Variants in HS6ST3 observed in about 807,000 individuals in gnomAD.
The protein encoded by HS6ST3 is heparan sulfate 6-O-sulfotransferase 3.
A neutral mutation model predicts 36.7 loss-of-function variants in HS6ST3; 12 were observed. The observed-to-expected ratio is 0.33, with a 90% CI of 0.21 to 0.53. The LOEUF is 0.53. HS6ST3 is among the 20% of genes least tolerant of loss of function. The pLI is 0.95. For synonymous variants in HS6ST3, 240 were observed against 257.5 expected, an observed-to-expected ratio of 0.93 and a Z score of 0.65; for missense variants, 584 against 640.9, an observed-to-expected ratio of 0.91 and a Z score of 0.96.
At chr13:96,484,181 G>C (rs549953805) in intron 1 of HS6ST3, among the ~76,000 whole-genome samples, 9 of 151,878 alleles carry the variant, frequency 5.9e-5, no homozygotes, top group Admixed American at 5.3e-4. Context: ...GGTAAGAATT[G>C]TATATGTTTA....
intron 1 of HS6ST3, among the ~76,000 whole-genome samples, chr13:96,418,490 G>C (rs2055545854): frequency 6.6e-6 from 1 of 152,164 alleles, no homozygotes; most frequent in Admixed American, 6.5e-5. Context: ...GCAATCCAAA[G>C]CCTGGAAATG....
At chr13:96,481,549 T>G (rs1359220031) in intron 1 of HS6ST3, among the ~76,000 whole-genome samples, 1 of 152,166 alleles carries the variant, frequency 6.6e-6, no homozygotes, top group Non-Finnish European at 1.5e-5. Flanking sequence ...AGACTGGTAA[T>G]AACACTAGCA....
In HS6ST3 at chr13:96,833,822, A is replaced by G. The variant is rs1415048013; in HGVS notation, c.*624A>G. The G allele has an allele frequency of 6.6e-6, 1 of 152,274 alleles. No homozygotes were observed. Among genetic ancestry groups the G allele is most frequent in the East Asian group, 1.9e-4 (1 of 5,198 alleles). The allele number at this position is 152,274 out of a possible 1,614,324, so 9.4% of individuals were successfully genotyped here. On this transcript the variant is annotated 3_prime_UTR_variant, in exon 2 of 2. Coordinates refer to ENST00000376705, the MANE Select transcript of HS6ST3 (RefSeq NM_153456.4). ...CCATTGCTAGAGACCCACATCCTAC[A>G]AAATCCTGACACCATAACCTTAAGC...
At chr13:96,279,577 T>A (rs1009110748) in intron 1 of HS6ST3, among the ~76,000 whole-genome samples, 1 of 152,180 alleles carries the variant, frequency 6.6e-6, no homozygotes, top group Non-Finnish European at 1.5e-5. Context: ...AATTAAGAAC[T>A]AAGAGCTGAG....
chr13:96,579,656 TATC>T (rs2056334615), intron 1 of HS6ST3, among the ~76,000 whole-genome samples: 1 of 152,168 alleles, frequency 6.6e-6, no homozygotes, highest in Non-Finnish European at 1.5e-5. Context: ...CTAAGCGAGA[TATC>T]ATCAGGGCAA....
chr13:96,485,235 A>G (rs1454314063), intron 1 of HS6ST3, among the ~76,000 whole-genome samples: 1 of 152,078 alleles, frequency 6.6e-6, no homozygotes, highest in Non-Finnish European at 1.5e-5. Flanking sequence ...ATATCTCTTC[A>G]TTTATGTATT....
intron 1 of HS6ST3, among the ~76,000 whole-genome samples, chr13:96,748,024 T>C (rs1156829254): frequency 6.6e-6 from 1 of 152,114 alleles, no homozygotes; most frequent in Non-Finnish European, 1.5e-5. Context: ...TCACATGTGA[T>C]GTAGGACATT....
Position 96,833,153 on chromosome 13 carries a change from A to T in HS6ST3, c.1371A>T (p.Glu457Asp). The change falls in exon 2 of 2, where the codon GAA (glutamate) becomes GAT (aspartate). Residue 457 changes from glutamate (E) to aspartate (D), a missense_variant. By Grantham distance (45) the Glu-to-Asp change is conservative. This residue lies in a region of HS6ST3 where 360 missense variants were observed against 411.3 expected (regional missense o/e 0.88). Transcript: ENST00000376705. ...HQWPKEDGAA[E>D]GTVTEDYNSQ... ...GGCCCAAAGAAGATGGGGCTGCAGA[A>T]GGGACTGTCACCGAGGACTACAACA... 3.8e-6 allele frequency: 6 copies of T among 1,595,122 alleles called. No homozygotes were observed. The highest frequency in any genetic ancestry group is 5.1e-6 in the Non-Finnish European group (6 of 1,177,410).
At chr13:96,553,766 T>C (rs551694566) in intron 1 of HS6ST3, among the ~76,000 whole-genome samples, 27 of 152,206 alleles carry the variant, frequency 1.8e-4, no homozygotes, top group African/African-American at 6.5e-4. Flanking sequence ...ACTAATACAA[T>C]GAAGGAGGTG....
intron 1 of HS6ST3, among the ~76,000 whole-genome samples, chr13:96,726,259 A>G (rs1442726561): frequency 6.6e-6 from 1 of 152,200 alleles, no homozygotes. Context: ...TACAACTTCT[A>G]CAGAAGTTCC....
chr13:96,162,228 T>C (rs1339562622), intron 1 of HS6ST3, among the ~76,000 whole-genome samples: 1 of 152,086 alleles, frequency 6.6e-6, no homozygotes, highest in Non-Finnish European at 1.5e-5. Flanking sequence ...ATTCATAAGC[T>C]CCAATATCCA....
chr13:96,662,956 G>T (rs953250502), intron 1 of HS6ST3, among the ~76,000 whole-genome samples: 3 of 152,260 alleles, frequency 2.0e-5, no homozygotes, highest in South Asian at 2.1e-4. Context: ...ATTTTTGTTT[G>T]TTGGGAGGTG....
intron 1 of HS6ST3, among the ~76,000 whole-genome samples, chr13:96,445,169 T>C (rs775980875): frequency 6.6e-6 from 1 of 152,172 alleles, no homozygotes; most frequent in Non-Finnish European, 1.5e-5. Context: ...ACCTATTACA[T>C]TGGCCTTTCT....
chr13:96,793,455 A>G (rs751032084), intron 1 of HS6ST3, among the ~76,000 whole-genome samples: 2 of 152,042 alleles, frequency 1.3e-5, no homozygotes, highest in Non-Finnish European at 2.9e-5. Flanking sequence ...CAAGGTATTA[A>G]ATTGATAAAT....
At chr13:96,285,891 C>T (rs2054799424) in intron 1 of HS6ST3, among the ~76,000 whole-genome samples, 1 of 151,392 alleles carries the variant, frequency 6.6e-6, no homozygotes, top group Non-Finnish European at 1.5e-5. Flanking sequence ...CTCTCTCTCT[C>T]CCTCTTTCCC....
rs1350727969 is a variant in HS6ST3 at position 96,636,647 on chromosome 13, A to C, written c.708-195843A>C. ...TAACAGCAGCCCAGCTCTGAAAGGA[A>C]GCTTGACATATTTTTCCAGGAGTCC... On this transcript the variant is annotated intron_variant, in intron 1 of 1. Coordinates refer to ENST00000376705, the MANE Select transcript of HS6ST3 (RefSeq NM_153456.4). Among the ~76,000 whole-genome samples, 3 of 152,162 alleles carry C rather than the reference A, an allele frequency of 2.0e-5. No homozygotes were observed. The South Asian group carries it at 6.2e-4, about 32-fold the overall frequency.
At chr13:96,296,767 C>A (rs138610725) in intron 1 of HS6ST3, among the ~76,000 whole-genome samples, 6 of 152,136 alleles carry the variant, frequency 3.9e-5, no homozygotes, top group African/African-American at 1.4e-4. Flanking sequence ...AAGAAAATGT[C>A]TTTTAAACCT....
intron 1 of HS6ST3, among the ~76,000 whole-genome samples, chr13:96,735,610 G>T (rs1667391524): frequency 1.3e-5 from 2 of 152,158 alleles, no homozygotes; most frequent in Admixed American, 1.3e-4. Context: ...CAATTCAAGA[G>T]TTGGCCCTGT....
chr13:96,282,588 A>G (rs1246467491), intron 1 of HS6ST3, among the ~76,000 whole-genome samples: 1 of 152,168 alleles, frequency 6.6e-6, no homozygotes, highest in Non-Finnish European at 1.5e-5. Context: ...TTGGCGTACA[A>G]TATCTCATTA....
Sources: gnomAD v4.1 joint callset for allele counts (sites outside exome capture counted in the v4.1 genomes callset) on GRCh38, gnomAD v4.1.1 for gene constraint, gnomAD v4.1.1 regional missense constraint, MANE v1.5 for transcripts, NCBI Gene and HGNC (gene_info 2026-07-23, HGNC 2026-07-21) for gene names.